The following VAT1L variants were observed in gnomAD, a reference collection of about 807,000 sequenced individuals.
VAT1L encodes putative NADPH-dependent quinone oxidoreductase VAT1L.
VAT1L carries 34 observed loss-of-function variants against 44.1 expected under a neutral mutation model. That is an observed-to-expected ratio of 0.77 (90% CI 0.59 to 1.03). The LOEUF is 1.03. Ranked by LOEUF, VAT1L falls within the 50% of genes least tolerant of loss-of-function variation. The pLI is 0.00. For missense variants in VAT1L, 615 were observed against 538.8 expected, an observed-to-expected ratio of 1.14 and a Z score of -1.40; for synonymous variants, 253 against 202.2, an observed-to-expected ratio of 1.25 and a Z score of -2.13.
At chr16:77,868,348 C>G (rs969349378) in intron 4 of VAT1L, among the ~76,000 whole-genome samples, 13 of 152,080 alleles carry the variant, frequency 8.5e-5, no homozygotes, top group Admixed American at 7.2e-4. Flanking sequence ...AAACAGACTA[C>G]GAAGATACAA....
intron 1 of VAT1L, among the ~76,000 whole-genome samples, chr16:77,804,110 C>G (rs941479285): frequency 1.3e-5 from 2 of 152,206 alleles, no homozygotes; most frequent in Non-Finnish European, 2.9e-5. Flanking sequence ...AGTGCCTAGC[C>G]AAGCCCCAAA....
chr16:77,963,633 A>G (rs768888458), intron 7 of VAT1L, among the ~76,000 whole-genome samples: 11 of 152,142 alleles, frequency 7.2e-5, no homozygotes, highest in Non-Finnish European at 1.5e-4. Context: ...AAAGGGGGGA[A>G]AAACCCACAG....
rs1187551089 is a variant in VAT1L, at chr16:77,979,164, ACCTCATTCG to A, written c.*1470_*1478del. 1 of 152,614 alleles carries A rather than the reference ACCTCATTCG, an allele frequency of 6.6e-6. No homozygotes were observed. Among genetic ancestry groups the A allele is most frequent in the Admixed American group, 6.5e-5 (1 of 15,282 alleles). The allele number at this position is 152,614 out of a possible 1,614,324, so 9.5% of individuals were successfully genotyped here. A position where few individuals can be genotyped will look rare whatever the true frequency, so the allele number is the denominator to read the frequency against. On this transcript the variant is annotated 3_prime_UTR_variant, in exon 9 of 9. Coordinates refer to ENST00000302536, the MANE Select transcript of VAT1L (RefSeq NM_020927.3). ...CCAAAGTCCTTTTGTAGCAAATGTC[ACCTCATTCG>A]TGGTCTTTTTACCTATCCTAAGCTT...
chr16:77,970,697 T>TAATTTAAATTATG (rs1194631603), intron 7 of VAT1L, among the ~76,000 whole-genome samples: 1 of 152,208 alleles, frequency 6.6e-6, no homozygotes, highest in Non-Finnish European at 1.5e-5. Flanking sequence ...ATAAGTTTTT[T>TAATTTAAATTATG]TCCCCATAAT....
Position 77,816,948 on chromosome 16 carries a change from G to T in VAT1L, c.261G>T (p.Val87=). Residue 87 remains valine (V), a synonymous_variant, in exon 2 of 9, where the codon GTG becomes GTT. Coordinates refer to ENST00000302536, the MANE Select transcript of VAT1L (RefSeq NM_020927.3). The stretch of plus-strand genomic sequence containing the variant: ...GATTAAACTTCATTGACTTGATGGT[G>T]CGACAAGGGAATATTGACAACCCTC... ...ACGLNFIDLM[V]RQGNIDNPPK... The T allele has an allele frequency of 6.2e-7, 1 of 1,613,806 alleles. No homozygotes were observed. Among genetic ancestry groups the T allele is most frequent in the East Asian group, 2.2e-5 (1 of 44,872 alleles).
intron 7 of VAT1L, among the ~76,000 whole-genome samples, chr16:77,888,698 G>A (rs1410640041): frequency 1.3e-5 from 2 of 152,158 alleles, no homozygotes; most frequent in African/African-American, 2.4e-5. Context: ...CTCCCGTACC[G>A]CCAGCGGTGG....
intron 7 of VAT1L, among the ~76,000 whole-genome samples, chr16:77,923,876 T>C: frequency 6.6e-6 from 1 of 152,196 alleles, no homozygotes; most frequent in East Asian, 1.9e-4. Context: ...CACTGGTGTG[T>C]ACAGGACCCA....
At chr16:77,880,395 AGCAATCC>A (rs1427502093) in intron 6 of VAT1L, among the ~76,000 whole-genome samples, 3 of 151,986 alleles carry the variant, frequency 2.0e-5, no homozygotes, top group Admixed American at 6.6e-5. Flanking sequence ...CCCGGGCTCA[AGCAATCC>A]GCTTGCCTCA....
chr16:77,799,352 C>CT (rs1029953647), intron 1 of VAT1L, among the ~76,000 whole-genome samples: 11 of 150,548 alleles, frequency 7.3e-5, no homozygotes, highest in African/African-American at 2.7e-4. Flanking sequence ...TTCTCCATCT[C>CT]TTTTCCTCTC....
chr16:77,846,427 G>A (rs1297062058), intron 3 of VAT1L, among the ~76,000 whole-genome samples: 2 of 152,116 alleles, frequency 1.3e-5, no homozygotes, highest in South Asian at 2.1e-4. Context: ...TACTGGTAGG[G>A]CTGCCGTATA....
At chr16:77,881,606 A>C (rs2017156434) in intron 6 of VAT1L, among the ~76,000 whole-genome samples, 1 of 152,238 alleles carries the variant, frequency 6.6e-6, no homozygotes, top group Non-Finnish European at 1.5e-5. Context: ...TTCCAGAAAC[A>C]TCAGCCCCAA....
intron 7 of VAT1L, among the ~76,000 whole-genome samples, chr16:77,895,628 G>T (rs1026117975): frequency 1.3e-5 from 2 of 152,214 alleles, no homozygotes; most frequent in Admixed American, 6.5e-5. Context: ...CTTGATGTTA[G>T]CCCTAAAGAG....
chr16:77,890,463 C>T (rs756090762), intron 7 of VAT1L, among the ~76,000 whole-genome samples: 4 of 152,102 alleles, frequency 2.6e-5, no homozygotes, highest in Non-Finnish European at 4.4e-5. Flanking sequence ...ACCATTTCAT[C>T]TTCTCCTTTC....
rs1179795341 is a variant in VAT1L, at chr16:77,884,069, G to A, written c.883-539G>A. ...TCAACTACATGTGGCCATGTAGTTAGTTTTGGGCTCTCTCTCCCACTTAGA... is the reference window on the plus strand; with the variant it reads ...TCAACTACATGTGGCCATGTAGTTAATTTTGGGCTCTCTCTCCCACTTAGA... On this transcript the variant is annotated intron_variant, in intron 6 of 8. Coordinates refer to ENST00000302536, the MANE Select transcript of VAT1L (RefSeq NM_020927.3). This position sits in a 1 kb window ranked among gnomAD's most constrained non-coding sequence, Gnocchi z 4.5. Among the ~76,000 whole-genome samples the A allele has an allele frequency of 1.3e-5, 2 of 152,210 alleles. No homozygotes were observed. The highest frequency in any genetic ancestry group is 2.9e-5 in the Non-Finnish European group (2 of 68,044).
At chr16:77,857,487 G>C (rs1470320769) in intron 3 of VAT1L, among the ~76,000 whole-genome samples, 1 of 152,154 alleles carries the variant, frequency 6.6e-6, no homozygotes, top group South Asian at 2.1e-4. Context: ...CATTGCCTAA[G>C]ACAGGTGATG....
At chr16:77,949,462 G>A (rs1003859855) in intron 7 of VAT1L, among the ~76,000 whole-genome samples, 2 of 152,214 alleles carry the variant, frequency 1.3e-5, no homozygotes, top group African/African-American at 4.8e-5. Flanking sequence ...AACCTCATGT[G>A]GAAATTTGAT....
At chr16:77,907,181 A>G (rs1014938519) in intron 7 of VAT1L, among the ~76,000 whole-genome samples, 2 of 152,350 alleles carry the variant, frequency 1.3e-5, no homozygotes, top group East Asian at 1.9e-4. Context: ...TCAACATGAC[A>G]TCACTGAATA....
At chr16:77,892,841 GC>G in intron 7 of VAT1L, 1 of 884,194 alleles carries the variant, frequency 1.1e-6, no homozygotes. Context: ...TATTGTGGAG[GC>G]CATGGAGTGC....
rs542081861 is a variant in VAT1L, at chr16:77,899,345, G to A, written c.1077+14543G>A. Reference sequence around the variant, plus strand: ...CTGAGCTCTTCAACCTGGTTGCCCCGTCAGGCATCCTGATTTGCAGTGGAG... The same window carrying A: ...CTGAGCTCTTCAACCTGGTTGCCCCATCAGGCATCCTGATTTGCAGTGGAG... On this transcript the variant is annotated intron_variant, in intron 7 of 8. Coordinates refer to ENST00000302536, the MANE Select transcript of VAT1L (RefSeq NM_020927.3). 3.8e-4 allele frequency among the ~76,000 whole-genome samples: 58 copies of A among 152,298 alleles called. No individual in the cohort carries two copies. The South Asian group carries it at 3.9e-3, about 10-fold the overall frequency.
Sources: allele counts gnomAD v4.1 joint callset (sites outside exome capture counted in the v4.1 genomes callset), GRCh38; gene constraint gnomAD v4.1.1; non-coding constraint Gnocchi (gnomAD v3.1); transcripts MANE v1.5; gene names NCBI Gene and HGNC (gene_info 2026-07-23, HGNC 2026-07-21).